The following TACC2 variants were observed in gnomAD, a reference collection of about 807,000 sequenced individuals.
TACC2 encodes transforming acidic coiled-coil-containing protein 2.
A neutral mutation model predicts 227.3 loss-of-function variants in TACC2; 137 were observed. The observed-to-expected ratio is 0.60, with a 90% CI of 0.52 to 0.69. The LOEUF (loss-of-function observed/expected upper bound fraction) is 0.69. Among genes scored for constraint, TACC2 ranks in the 30% least tolerant of loss-of-function variants. The pLI is 0.00. For synonymous variants in TACC2, 1,523 were observed against 1,487.5 expected (o/e 1.02, Z -0.55); for missense variants, 3,470 against 3,694.4 (o/e 0.94, Z 1.57).
At chr10:122,025,339 C>A (rs1044590604) in intron 2 of TACC2, among the ~76,000 whole-genome samples, 73 of 151,416 alleles carry the variant, frequency 4.8e-4, no homozygotes, top group African/African-American at 1.7e-3. Flanking sequence ...TGGCTCACTG[C>A]AACCTCTGCC....
At chr10:122,064,343 C>T (rs1177497567) in intron 3 of TACC2, among the ~76,000 whole-genome samples, 1 of 152,176 alleles carries the variant, frequency 6.6e-6, no homozygotes, top group East Asian at 1.9e-4. Flanking sequence ...ATTAACACCT[C>T]ACATTAATGT....
chr10:122,103,392 T>C (rs902451367), intron 5 of TACC2, among the ~76,000 whole-genome samples: 1 of 152,166 alleles, frequency 6.6e-6, no homozygotes, highest in Non-Finnish European at 1.5e-5. Flanking sequence ...ACAACAGCAG[T>C]ACCTGCTGCA....
At chr10:122,002,692 T>C (rs571543999) in intron 1 of TACC2, among the ~76,000 whole-genome samples, 3 of 152,340 alleles carry the variant, frequency 2.0e-5, no homozygotes, top group South Asian at 2.1e-4. Flanking sequence ...GTTGTAACTT[T>C]AGTGGTGTCA....
At chr10:122,068,703 G>A (rs551460477) in intron 3 of TACC2, among the ~76,000 whole-genome samples, 4 of 149,688 alleles carry the variant, frequency 2.7e-5, no homozygotes, top group African/African-American at 4.9e-5. Context: ...TCACGGTGTC[G>A]CCCAGGCTGG....
At chr10:122,136,630 G>T (rs868798610) in intron 6 of TACC2, among the ~76,000 whole-genome samples, 6 of 151,394 alleles carry the variant, frequency 4.0e-5, no homozygotes, top group Admixed American at 6.6e-5. Flanking sequence ...TGGGCTCACT[G>T]CAAACTCGGC....
intron 5 of TACC2, among the ~76,000 whole-genome samples, chr10:122,129,880 A>G (rs1342916129): frequency 1.3e-5 from 2 of 152,220 alleles, no homozygotes; most frequent in Non-Finnish European, 2.9e-5. Context: ...GTGTGGGTGC[A>G]CACATGTGCT....
intron 22 of TACC2, among the ~76,000 whole-genome samples, chr10:122,253,262 G>A (rs145178332): frequency 6.6e-6 from 1 of 152,214 alleles, no homozygotes; most frequent in African/African-American, 2.4e-5. Flanking sequence ...CGGTCGTGCT[G>A]TTGAACTTGA....
intron 5 of TACC2, among the ~76,000 whole-genome samples, chr10:122,105,514 G>A (rs369901932): frequency 6.6e-6 from 1 of 152,192 alleles, no homozygotes; most frequent in East Asian, 1.9e-4. Context: ...GGTTCTTCCT[G>A]CTCTGAACTC....
chr10:122,016,334 C>A (rs371621830), intron 1 of TACC2, among the ~76,000 whole-genome samples: 3 of 149,986 alleles, frequency 2.0e-5, no homozygotes, highest in East Asian at 2.0e-4. Context: ...TTTTGAAGGC[C>A]GAGGCAGGTG....
In TACC2 at chr10:122,150,213, C is replaced by T. The variant is rs548406329; in HGVS notation, c.5834+6507C>T. The stretch of plus-strand genomic sequence containing the variant: ...GAAGCTGCAAAGCTTCAGCTTGTGA[C>T]GCCATCTGGGCGGCAGTCCCACGGC... On this transcript the variant is annotated intron_variant, in intron 7 of 22. Transcript: ENST00000369005. This position sits in a 1 kb window ranked among gnomAD's most constrained non-coding sequence, Gnocchi z 4.0. Among the ~76,000 whole-genome samples, 4 of 152,334 alleles carry T rather than the reference C, an allele frequency of 2.6e-5. No individual in the cohort carries two copies. Among genetic ancestry groups the T allele is most frequent in the South Asian group, 2.1e-4 (1 of 4,830 alleles).
chr10:122,167,746 A>G (rs1391416384), intron 7 of TACC2, among the ~76,000 whole-genome samples: 2 of 152,144 alleles, frequency 1.3e-5, no homozygotes, highest in Non-Finnish European at 2.9e-5. Context: ...GACTCTTGAG[A>G]AGACGTAAGT....
chr10:122,164,732 G>A (rs906085887), intron 7 of TACC2, among the ~76,000 whole-genome samples: 1 of 152,146 alleles, frequency 6.6e-6, no homozygotes, highest in African/African-American at 2.4e-5. Context: ...TGGGTCTGCC[G>A]GCCGGGTCGC....
intron 5 of TACC2, 134 bp from the exon 6 acceptor site, chr10:122,132,475 G>A (rs1027146978): frequency 1.1e-5 from 12 of 1,064,932 alleles, no homozygotes; most frequent in African/African-American, 3.1e-5. Flanking sequence ...CCTGTACCCT[G>A]GAGACAGAGT....
chr10:122,236,470 T>C (rs911220109), intron 16 of TACC2, among the ~76,000 whole-genome samples: 2 of 152,236 alleles, frequency 1.3e-5, no homozygotes, highest in African/African-American at 4.8e-5. Context: ...ATGTTTCTTT[T>C]GCAGTAGAAG....
chr10:122,028,857 T>C (rs181614619), intron 2 of TACC2, among the ~76,000 whole-genome samples: 304 of 3,840 alleles, frequency 0.079, no homozygotes, highest in Non-Finnish European at 0.095. Flanking sequence ...CCTCCCCTCC[T>C]CTCCCCTCCC....
chr10:122,238,967 A>G (rs1589858050), intron 18 of TACC2, among the ~76,000 whole-genome samples: 1 of 152,126 alleles, frequency 6.6e-6, no homozygotes, highest in East Asian at 1.9e-4. Context: ...GTCACCATGT[A>G]TAGTGTACAT....
intron 22 of TACC2, among the ~76,000 whole-genome samples, chr10:122,252,416 G>A (rs2096269355): frequency 6.6e-6 from 1 of 152,112 alleles, no homozygotes; most frequent in Non-Finnish European, 1.5e-5. Flanking sequence ...AGCTCACGGT[G>A]GGCACTCCAA....
intron 7 of TACC2, among the ~76,000 whole-genome samples, chr10:122,162,140 G>C (rs902737317): frequency 3.9e-5 from 6 of 152,140 alleles, no homozygotes; most frequent in African/African-American, 1.4e-4. Flanking sequence ...AACCTTCTCA[G>C]TGTTTCTGGG....
chr10:122,084,807 G>T lies in TACC2; in HGVS notation c.2307G>T (p.Ala769=), dbSNP rs752182627. 6.2e-7 allele frequency: 1 copy of T among 1,613,692 alleles called. No homozygotes were observed. Among genetic ancestry groups the T allele is most frequent in the Admixed American group, 1.7e-5 (1 of 60,026 alleles). Residue 769 remains alanine (A), a synonymous_variant, in exon 4 of 23, where the codon GCG becomes GCT. Coordinates refer to ENST00000369005, the MANE Select transcript of TACC2 (RefSeq NM_206862.4). ...PDQPRGPACD[A]SRQEFHAGVP... is the part of the protein sequence containing the mutation. ...AACCCCGCGGGCCGGCGTGTGATGCGTCGAGACAGGAATTTCATGCTGGGG... is the reference window on the plus strand; with the variant it reads ...AACCCCGCGGGCCGGCGTGTGATGCTTCGAGACAGGAATTTCATGCTGGGG...
Sources: gnomAD v4.1 joint callset for allele counts (sites outside exome capture counted in the v4.1 genomes callset) on GRCh38, gnomAD v4.1.1 for gene constraint, Gnocchi (gnomAD v3.1) non-coding constraint, MANE v1.5 for transcripts, NCBI Gene and HGNC (gene_info 2026-07-23, HGNC 2026-07-21) for gene names.